SUCLG2: variants seen among roughly 807,000 people sequenced by gnomAD.
SUCLG2 encodes the protein succinate--CoA ligase [GDP-forming] subunit beta, mitochondrial.
A neutral mutation model predicts 47.9 loss-of-function variants in SUCLG2; 42 were observed. The ratio of observed to expected loss-of-function variants is 0.88; its 90% CI spans 0.69 to 1.14. The LOEUF is 1.14. Ranked by LOEUF, SUCLG2 falls within the 50% of genes most tolerant of loss-of-function variation. The pLI, the probability that SUCLG2 is intolerant of heterozygous loss-of-function variation, is 0.00. For synonymous variants in SUCLG2, 195 were observed against 197.3 expected, an observed-to-expected ratio of 0.99 and a Z score of 0.10; for missense variants, 571 against 525.9, an observed-to-expected ratio of 1.09 and a Z score of -0.84.
intron 4 of SUCLG2, among the ~76,000 whole-genome samples, chr3:67,527,615 C>T (rs1575756311): frequency 6.6e-6 from 1 of 152,178 alleles, no homozygotes; most frequent in South Asian, 2.1e-4. Context: ...GGTGTGTGTC[C>T]ACATGCTATA....
chr3:67,634,416 AT>A (rs553592128), intron 1 of SUCLG2, among the ~76,000 whole-genome samples: 3 of 152,176 alleles, frequency 2.0e-5, no homozygotes, highest in African/African-American at 4.8e-5. Context: ...TTTAAAAAAA[AT>A]TTTTTTAAGA....
chr3:67,601,671 T>G (rs1357917153), intron 2 of SUCLG2, among the ~76,000 whole-genome samples: 2 of 152,002 alleles, frequency 1.3e-5, no homozygotes, highest in Non-Finnish European at 2.9e-5. Context: ...CTCAATGAGG[T>G]AGCTTTAAAA....
At chr3:67,482,457 T>C (rs917753982) in intron 9 of SUCLG2, among the ~76,000 whole-genome samples, 1 of 122,066 alleles carries the variant, frequency 8.2e-6, no homozygotes, top group Non-Finnish European at 1.7e-5. Flanking sequence ...GTTCTCTTCA[T>C]GTTTCTATAC....
At chr3:67,442,290 G>C (rs568107117) in intron 9 of SUCLG2, among the ~76,000 whole-genome samples, 60 of 152,286 alleles carry the variant, frequency 3.9e-4, no homozygotes, top group African/African-American at 1.3e-3. Context: ...GATTACAGGC[G>C]TGAGCCACCG....
intron 9 of SUCLG2, among the ~76,000 whole-genome samples, chr3:67,457,152 CCT>C (rs75624840): frequency 0.55 from 82,785 of 151,746 alleles, 23,750 homozygotes; most frequent in Non-Finnish European, 0.64. Flanking sequence ...AATGGTCCTT[CCT>C]CTCTCCAATC....
chr3:67,548,290 A>T (rs749521537), intron 2 of SUCLG2, among the ~76,000 whole-genome samples: 19 of 152,202 alleles, frequency 1.2e-4, no homozygotes, highest in Non-Finnish European at 2.4e-4. Flanking sequence ...ATGTTCTATT[A>T]TTAAAATTTC....
At chr3:67,503,208 C>T (rs942046231) in intron 7 of SUCLG2, among the ~76,000 whole-genome samples, 1 of 152,196 alleles carries the variant, frequency 6.6e-6, no homozygotes, top group Non-Finnish European at 1.5e-5. Context: ...TGCTAAGTCA[C>T]AGTTCTCACA....
chr3:67,376,031 C>G (rs1559636545), intron 10 of SUCLG2, 172 bp from the exon 11 acceptor site: 1 of 985,328 alleles, frequency 1.0e-6, no homozygotes, highest in African/African-American at 1.7e-5. Flanking sequence ...AAATTTATCT[C>G]AAGCTGTGGT....
At chr3:67,492,146 G>C (rs1455614974) in intron 9 of SUCLG2, among the ~76,000 whole-genome samples, 1 of 152,190 alleles carries the variant, frequency 6.6e-6, no homozygotes. Context: ...AATCCAATGA[G>C]GTGCCTTTAC....
chr3:67,595,098 C>T (rs1008477204), intron 2 of SUCLG2, among the ~76,000 whole-genome samples: 17 of 152,256 alleles, frequency 1.1e-4, no homozygotes, highest in Non-Finnish European at 2.4e-4. Context: ...AAAACGGAAG[C>T]AATGAAAGTA....
chr3:67,376,624 A>G, intron 10 of SUCLG2: 1 of 542,232 alleles, frequency 1.8e-6, no homozygotes, highest in Non-Finnish European at 2.4e-6. Context: ...ACCTTGAAAT[A>G]TAGGCCTTGG....
chr3:67,365,444 G>T (rs778571927), intron 10 of SUCLG2, among the ~76,000 whole-genome samples: 7 of 152,222 alleles, frequency 4.6e-5, no homozygotes, highest in African/African-American at 7.2e-5. Context: ...TGATGCTACA[G>T]TAACAGTGTT....
At chr3:67,516,256 T>C (rs991253221) in intron 6 of SUCLG2, among the ~76,000 whole-genome samples, 1 of 152,220 alleles carries the variant, frequency 6.6e-6, no homozygotes, top group Non-Finnish European at 1.5e-5. Flanking sequence ...ACTGACAATA[T>C]GGCCACTTAC....
chr3:67,366,664 C>G (rs1002723378), intron 10 of SUCLG2, among the ~76,000 whole-genome samples: 1 of 152,234 alleles, frequency 6.6e-6, no homozygotes, highest in Non-Finnish European at 1.5e-5. Context: ...ACCTGAAGCT[C>G]ACCAGCCATA....
At chr3:67,533,311 T>A (rs1575759910) in intron 2 of SUCLG2, among the ~76,000 whole-genome samples, 1 of 152,208 alleles carries the variant, frequency 6.6e-6, no homozygotes, top group Admixed American at 6.5e-5. Context: ...GCTAAATGTA[T>A]CACTGATACT....
intron 9 of SUCLG2, among the ~76,000 whole-genome samples, chr3:67,493,533 A>C (rs1705255679): frequency 6.6e-6 from 1 of 152,140 alleles, no homozygotes; most frequent in South Asian, 2.1e-4. Context: ...TCCCCATCCT[A>C]CAGGTTTTAC....
chr3:67,372,396 CT>C (rs3038299), downstream of SUCLG2, among the ~76,000 whole-genome samples: 3 of 151,530 alleles, frequency 2.0e-5, no homozygotes, highest in Non-Finnish European at 2.9e-5. Flanking sequence ...ACTGCAGTCA[CT>C]TTTTTTTTTC....
intron 9 of SUCLG2, among the ~76,000 whole-genome samples, chr3:67,472,221 T>C (rs1431226839): frequency 6.6e-6 from 1 of 152,204 alleles, no homozygotes; most frequent in African/African-American, 2.4e-5. Context: ...ATTCTATACA[T>C]GGAAAAGGTG....
intron 9 of SUCLG2, among the ~76,000 whole-genome samples, chr3:67,421,058 A>G (rs1483894809): frequency 1.3e-5 from 2 of 152,220 alleles, no homozygotes; most frequent in Admixed American, 6.5e-5. Context: ...CATCCTCACA[A>G]GAAGTTCAGG....
Sources: allele counts gnomAD v4.1 joint callset (sites outside exome capture counted in the v4.1 genomes callset), GRCh38; gene constraint gnomAD v4.1.1; transcripts MANE v1.5; gene names NCBI Gene and HGNC (gene_info 2026-07-23, HGNC 2026-07-21).